BDP1: variants seen among roughly 807,000 people sequenced by gnomAD.
The protein encoded by BDP1 is transcription factor TFIIIB component B'' homolog.
A neutral mutation model predicts 266.6 loss-of-function variants in BDP1; 169 were observed. The ratio of observed to expected loss-of-function variants is 0.63; its 90% CI spans 0.56 to 0.72. BDP1 has a LOEUF of 0.72. Ranked by LOEUF, BDP1 falls within the 30% of genes least tolerant of loss-of-function variation. The pLI is 0.00. For missense variants in BDP1, 3,015 were observed against 3,053.8 expected (o/e 0.99, Z 0.30); for synonymous variants, 1,090 against 1,022.4 (o/e 1.07, Z -1.26).
intron 13 of BDP1, among the ~76,000 whole-genome samples, 189 bp downstream of exon 13, chr5:71,497,615 GA>G (rs1763974315): frequency 6.6e-6 from 1 of 152,040 alleles, no homozygotes; most frequent in Non-Finnish European, 1.5e-5. Flanking sequence ...TTTAACCTGG[GA>G]TGTAATCATT....
rs1009991631 is a variant in BDP1 at position 71,493,765 on chromosome 5, A to G, written c.1641-1485A>G. 2.3e-4 allele frequency among the ~76,000 whole-genome samples: 35 copies of G among 152,356 alleles called. 1 individual carries two copies. The highest frequency in any genetic ancestry group is 7.9e-4 in the African/African-American group (33 of 41,596). ...GGTGTAGGGTTAGATGAATTGACTC[A>G]GTGGAACTGAATATAGAGTTTAGGA... On this transcript the variant is annotated intron_variant, in intron 11 of 38. Coordinates refer to ENST00000358731, the MANE Select transcript of BDP1 (RefSeq NM_018429.3).
chr5:71,517,587 C>T (rs979060790), intron 22 of BDP1, 135 bp downstream of exon 22: 1 of 718,380 alleles, frequency 1.4e-6, no homozygotes, highest in Non-Finnish European at 2.2e-6. Context: ...ACTTGTGATA[C>T]TAGAGTCTTT....
At chr5:71,572,999 C>T in the BDP1 span, among the ~76,000 whole-genome samples, 48 of 152,146 alleles carry the variant, frequency 3.2e-4, 1 homozygote, top group Middle Eastern at 0.01. Flanking sequence ...GAGGCCAAGG[C>T]GGGTGGATCA....
At chr5:71,543,220 C>T (rs141525577) in intron 30 of BDP1, among the ~76,000 whole-genome samples, 3,835 of 152,108 alleles carry the variant, frequency 0.025, 73 homozygotes, top group South Asian at 0.074. Flanking sequence ...AGGTTGAGGT[C>T]GCAGTGAACT....
chr5:71,497,624 A>G (rs1763974839), intron 13 of BDP1, among the ~76,000 whole-genome samples, 198 bp downstream of exon 13: 1 of 152,238 alleles, frequency 6.6e-6, no homozygotes, highest in African/African-American at 2.4e-5. Context: ...GGATGTAATC[A>G]TTTCAGATAT....
intron 16 of BDP1, among the ~76,000 whole-genome samples, chr5:71,507,862 C>T (rs1417731614): frequency 6.6e-6 from 1 of 152,176 alleles, no homozygotes; most frequent in Non-Finnish European, 1.5e-5. Flanking sequence ...AAGGACCTGT[C>T]TTACAGTATC....
chr5:71,533,202 A>G (rs1429448835), intron 26 of BDP1, among the ~76,000 whole-genome samples: 1 of 152,002 alleles, frequency 6.6e-6, no homozygotes, highest in African/African-American at 2.4e-5. Context: ...GATTATTTTC[A>G]TTTTTTGTGT....
In BDP1 at chr5:71,467,261, A is replaced by G. The variant is rs7442961; in HGVS notation, c.786-93A>G. On this transcript the variant is annotated intron_variant, in intron 5 of 38. Transcript: ENST00000358731. Reference sequence around the variant, plus strand: ...TTATTATGCCTTTGATATGATTGCCATGCTAAACCTCAAAATATAACTATT... The same window carrying G: ...TTATTATGCCTTTGATATGATTGCCGTGCTAAACCTCAAAATATAACTATT... 515,065 of 1,077,700 alleles carry G rather than the reference A, an allele frequency of 0.48. 124,336 individuals carry two copies. Among genetic ancestry groups the G allele is most frequent in the South Asian group, 0.55 (36,159 of 65,284 alleles). 66.8% of individuals were successfully genotyped at this position (1,077,700 alleles called of 1,614,324 possible).
intron 30 of BDP1, among the ~76,000 whole-genome samples, chr5:71,543,631 A>G (rs1205704198): frequency 6.6e-6 from 1 of 152,250 alleles, no homozygotes; most frequent in Non-Finnish European, 1.5e-5. Context: ...ATACATTTTC[A>G]GTACTGCATT....
intron 25 of BDP1, among the ~76,000 whole-genome samples, chr5:71,525,615 G>A (rs1358478832): frequency 1.5e-5 from 2 of 129,184 alleles, no homozygotes; most frequent in African/African-American, 5.6e-5. Flanking sequence ...CTTCCCGGAC[G>A]GGGCGGCTGG....
In BDP1 at chr5:71,549,169, C is replaced by T. The variant is rs1230730637; in HGVS notation, c.6809-251C>T. Among the ~76,000 whole-genome samples, 4 of 152,210 alleles carry T rather than the reference C, an allele frequency of 2.6e-5. No individual in the cohort carries two copies. The East Asian group carries it at 7.7e-4, about 29-fold the overall frequency. Reference sequence around the variant, plus strand: ...ACAAGAATCGCTTGAACCCAGGAGGCGGAGGTTGCAGTGAGCCGAGATTGT... The same window carrying T: ...ACAAGAATCGCTTGAACCCAGGAGGTGGAGGTTGCAGTGAGCCGAGATTGT... On this transcript the variant is annotated intron_variant, in intron 33 of 38. Transcript: ENST00000358731.
At chr5:71,468,081 C>G (rs928899627) in intron 6 of BDP1, among the ~76,000 whole-genome samples, 1 of 151,978 alleles carries the variant, frequency 6.6e-6, no homozygotes, top group Non-Finnish European at 1.5e-5. Flanking sequence ...TACAATGGCA[C>G]GATCTCGGCT....
chr5:71,482,472 T>G (rs1763021420), intron 7 of BDP1, among the ~76,000 whole-genome samples: 1 of 152,204 alleles, frequency 6.6e-6, no homozygotes, highest in African/African-American at 2.4e-5. Context: ...TGGAGTTGGA[T>G]ATGTAGGACC....
rs1161460068 is a variant in BDP1 at position 71,564,825 on chromosome 5, A to G, written c.7815A>G (p.Ala2605=). ...SAQKRAPQGE[A]TTVSEYFFND... is the part of the protein sequence containing the mutation. ...AAAAGCGGGCCCCTCAAGGGGAGGC[A>G]ACCACAGTCTCTGAATATTTCTTCA... The change falls in exon 39 of 39, where the codon GCA becomes GCG. Residue 2605 remains alanine (A), a synonymous_variant. Coordinates refer to ENST00000358731, the MANE Select transcript of BDP1 (RefSeq NM_018429.3). 6.2e-7 allele frequency: 1 copy of G among 1,611,718 alleles called. No individual in the cohort carries two copies. Among genetic ancestry groups the G allele is most frequent in the Non-Finnish European group, 8.5e-7 (1 of 1,179,704 alleles).
At chr5:71,482,914 T>C (rs1763043209) in intron 7 of BDP1, among the ~76,000 whole-genome samples, 2 of 152,178 alleles carry the variant, frequency 1.3e-5, no homozygotes, top group African/African-American at 4.8e-5. Context: ...AAGATGTTAA[T>C]GTCATATCAG....
chr5:71,490,934 A>G lies in BDP1; in HGVS notation c.1493-50A>G, dbSNP rs751281377. Reference sequence around the variant, plus strand: ...GGTAAATTCCTTTGTGCTCTAAAAAAGATGTTTTTGCTGTCATTTTTTAGA... The same window carrying G: ...GGTAAATTCCTTTGTGCTCTAAAAAGGATGTTTTTGCTGTCATTTTTTAGA... On this transcript the variant is annotated intron_variant, in intron 10 of 38. Coordinates refer to ENST00000358731, the MANE Select transcript of BDP1 (RefSeq NM_018429.3). 748 of 1,557,784 alleles carry G rather than the reference A, an allele frequency of 4.8e-4. 1 individual carries two copies. The highest frequency in any genetic ancestry group is 6.3e-4 in the Non-Finnish European group (724 of 1,151,298).
Position 71,542,185 on chromosome 5 carries a change from T to A in BDP1, c.6332T>A (p.Leu2111Ter). 6.2e-7 allele frequency: 1 copy of A among 1,613,712 alleles called. No individual in the cohort carries two copies. Among genetic ancestry groups the A allele is most frequent in the East Asian group, 2.2e-5 (1 of 44,796 alleles). Residue 2111 changes from leucine (L) to a stop codon, truncating the protein, a stop_gained, in exon 30 of 39, where the codon TTA becomes TAA. Coordinates refer to ENST00000358731, the MANE Select transcript of BDP1 (RefSeq NM_018429.3). LOFTEE classifies it high-confidence loss of function. ...AKPKPNLEKT[L>*]GTNRLDDYQE... is the part of the protein sequence containing the mutation. Reference sequence around the variant, plus strand: ...CCTAAACCAAATCTTGAGAAGACTTTAGGGACCAACAGGCTTGATGATTAT... The same window carrying A: ...CCTAAACCAAATCTTGAGAAGACTTAAGGGACCAACAGGCTTGATGATTAT...
At chr5:71,574,099 A>C in the BDP1 span, among the ~76,000 whole-genome samples, 2 of 152,166 alleles carry the variant, frequency 1.3e-5, no homozygotes, top group Admixed American at 6.6e-5. Context: ...TCGATCTACA[A>C]TGTCAGTGCA....
At chr5:71,509,065 C>A (rs1764745050) in intron 16 of BDP1, among the ~76,000 whole-genome samples, 1 of 152,098 alleles carries the variant, frequency 6.6e-6, no homozygotes, top group Non-Finnish European at 1.5e-5. Context: ...TCTATTATGG[C>A]AAACCATTTG....
Sources: allele counts gnomAD v4.1 joint callset (sites outside exome capture counted in the v4.1 genomes callset), GRCh38; gene constraint gnomAD v4.1.1; transcripts MANE v1.5; gene names NCBI Gene and HGNC (gene_info 2026-07-23, HGNC 2026-07-21).